GREM2: variants seen among roughly 807,000 people sequenced by gnomAD.
GREM2 encodes the protein gremlin-2.
GREM2 carries 11 observed loss-of-function variants against 14.2 expected under a neutral mutation model. That is an observed-to-expected ratio of 0.78 (90% CI 0.49 to 1.28). The LOEUF (loss-of-function observed/expected upper bound fraction) is 1.28, where lower values mean the gene tolerates loss of function less well. Ranked by LOEUF, GREM2 falls within the 50% of genes most tolerant of loss-of-function variation. The pLI, the probability that GREM2 is intolerant of heterozygous loss-of-function variation, is 0.00. For synonymous variants in GREM2, 98 were observed against 97.6 expected, an observed-to-expected ratio of 1.00 and a Z score of -0.02; for missense variants, 210 against 218.5, an observed-to-expected ratio of 0.96 and a Z score of 0.24.
chr1:240,516,769 G>T (rs1677965308), intron 1 of GREM2, among the ~76,000 whole-genome samples: 1 of 152,140 alleles, frequency 6.6e-6, no homozygotes, highest in Admixed American at 6.5e-5. Flanking sequence ...AATTGTAAGT[G>T]CCAGCAAGTG....
intron 1 of GREM2, among the ~76,000 whole-genome samples, chr1:240,608,677 A>G (rs1307030260): frequency 6.6e-6 from 1 of 152,222 alleles, no homozygotes. Context: ...ATTAAAAGAA[A>G]GGGAAATTGA....
chr1:240,584,582 T>C lies in GREM2; in HGVS notation c.-2+27302A>G, dbSNP rs368552553. Among the ~76,000 whole-genome samples, 696 of 151,534 alleles carry C rather than the reference T, an allele frequency of 4.6e-3. 6 individuals are homozygous for C. Among genetic ancestry groups the C allele is most frequent in the African/African-American group, 0.016 (667 of 41,316 alleles). On this transcript the variant is annotated intron_variant, in intron 1 of 1. Transcript: ENST00000318160. ...AGCTGGGCATAGTGGCGTGCACCTG[T>C]GGTCCTAGCCCTAGCTACTTGGGAG...
At chr1:240,599,224 T>C (rs1021630454) in intron 1 of GREM2, among the ~76,000 whole-genome samples, 8 of 149,054 alleles carry the variant, frequency 5.4e-5, no homozygotes, top group African/African-American at 1.0e-4. Context: ...GCCAAGATCA[T>C]GCCACTCCAC....
rs563366065 is a variant in GREM2, at chr1:240,537,052, T to C, written c.-1-43576A>G. On this transcript the variant is annotated intron_variant, in intron 1 of 1. Coordinates refer to ENST00000318160, the MANE Select transcript of GREM2 (RefSeq NM_022469.4). ...GATACATTAGTGAAAGCACTTTTAG[T>C]TGTGCTGTAGTAAGATAAATTAAAT... 7.9e-5 allele frequency among the ~76,000 whole-genome samples: 12 copies of C among 152,340 alleles called. No homozygotes were observed. The South Asian group carries it at 2.3e-3, about 29-fold the overall frequency.
chr1:240,493,696 C>A (rs1159014649), intron 1 of GREM2, among the ~76,000 whole-genome samples: 6 of 134,082 alleles, frequency 4.5e-5, no homozygotes, highest in East Asian at 2.4e-4. Flanking sequence ...CATCTACTTT[C>A]TTTTTATTTT....
chr1:240,586,908 G>A (rs974115169), intron 1 of GREM2, among the ~76,000 whole-genome samples: 2 of 152,166 alleles, frequency 1.3e-5, no homozygotes, highest in Non-Finnish European at 1.5e-5. Flanking sequence ...CTGGAAAAAC[G>A]AGAGACTGCA....
At chr1:240,593,191 T>G (rs1036885593) in intron 1 of GREM2, among the ~76,000 whole-genome samples, 7 of 152,028 alleles carry the variant, frequency 4.6e-5, no homozygotes, top group East Asian at 3.9e-4. Context: ...CTAGGTAGTC[T>G]TTAAGGCCCA....
chr1:240,604,758 G>A (rs762140282), intron 1 of GREM2, among the ~76,000 whole-genome samples: 82 of 152,188 alleles, frequency 5.4e-4, no homozygotes, highest in Non-Finnish European at 6.3e-4. Context: ...CCGAGTTCGG[G>A]ACCAGCTTGG....
intron 1 of GREM2, among the ~76,000 whole-genome samples, chr1:240,508,857 G>A (rs536963967): frequency 1.3e-5 from 2 of 152,110 alleles, no homozygotes; most frequent in South Asian, 4.1e-4. Context: ...TGGAACCTGA[G>A]AATTGATATT....
chr1:240,563,033 A>AGTGTAT, intron 1 of GREM2, among the ~76,000 whole-genome samples: 1 of 138,418 alleles, frequency 7.2e-6, no homozygotes, highest in East Asian at 2.2e-4. Flanking sequence ...TGTGTATATG[A>AGTGTAT]GTGTGTATGT....
intron 1 of GREM2, among the ~76,000 whole-genome samples, chr1:240,539,906 G>A (rs200552054): frequency 6.6e-6 from 1 of 152,080 alleles, no homozygotes; most frequent in East Asian, 1.9e-4. Flanking sequence ...TGTTGTTGAT[G>A]CCTCCTCTTT....
In GREM2 at chr1:240,521,545, T is replaced by G. The variant is rs537677462; in HGVS notation, c.-1-28069A>C. ...GAGATGGCACCACTGCACTCCAGCC[T>G]GGGCGACAGTGTGAGACTCCGTCTC... On this transcript the variant is annotated intron_variant, in intron 1 of 1. Transcript: ENST00000318160. Among the ~76,000 whole-genome samples the G allele has an allele frequency of 6.6e-5, 10 of 151,978 alleles. No individual in the cohort carries two copies. The East Asian group carries it at 1.9e-3, about 30-fold the overall frequency.
chr1:240,604,038 G>T (rs1239335697), intron 1 of GREM2, among the ~76,000 whole-genome samples: 1 of 151,598 alleles, frequency 6.6e-6, no homozygotes, highest in African/African-American at 2.4e-5. Context: ...TTAAGGGGAG[G>T]CAGGGGTGTC....
chr1:240,569,920 A>AT (rs555693041), intron 1 of GREM2, among the ~76,000 whole-genome samples: 1,088 of 102,800 alleles, frequency 0.011, 9 homozygotes, highest in African/African-American at 0.064. Flanking sequence ...ACTTCACTAA[A>AT]ATTTTTTTAA....
At chr1:240,548,234 C>G (rs565641168) in intron 1 of GREM2, among the ~76,000 whole-genome samples, 1 of 152,182 alleles carries the variant, frequency 6.6e-6, no homozygotes, top group Non-Finnish European at 1.5e-5. Context: ...AAGATTGTGC[C>G]ACTGCACTCC....
Position 240,547,532 on chromosome 1 carries a change from T to TATATAGACAGATAGATAG in GREM2, c.-1-54057_-1-54056insCTATCTATCTGTCTATAT, listed in dbSNP as rs1187770486. Among the ~76,000 whole-genome samples the TATATAGACAGATAGATAG allele has an allele frequency of 3.1e-3, 375 of 121,836 alleles. 5 individuals carry two copies. Among genetic ancestry groups the TATATAGACAGATAGATAG allele is most frequent in the African/African-American group, 0.013 (357 of 27,050 alleles). 79.9% of individuals were successfully genotyped at this position (121,836 alleles called of 152,430 possible). A position where few individuals can be genotyped will look rare whatever the true frequency, so the allele number is the denominator to read the frequency against. ...AAAAAAAAATATATATATATATATATATAGATAGATAGATAGATAGATAGA... is the reference window on the plus strand; with the variant it reads ...AAAAAAAAATATATATATATATATATATATAGACAGATAGATAGATAGATAGATAGATAGATAGATAGA... On this transcript the variant is annotated intron_variant, in intron 1 of 1. Transcript: ENST00000318160.
chr1:240,602,514 C>G lies in GREM2; in HGVS notation c.-2+9370G>C, dbSNP rs116021623. Among the ~76,000 whole-genome samples, 657 of 152,202 alleles carry G rather than the reference C, an allele frequency of 4.3e-3. 9 individuals carry two copies. The highest frequency in any genetic ancestry group is 0.015 in the African/African-American group (634 of 41,518). ...AATAGTTATAATTCCTTAAAGAGCT[C>G]ACATCGTAGCAGAAGAGAAAAGAGC... On this transcript the variant is annotated intron_variant, in intron 1 of 1. Coordinates refer to ENST00000318160, the MANE Select transcript of GREM2 (RefSeq NM_022469.4).
At chr1:240,567,761 A>C (rs148147664) in intron 1 of GREM2, among the ~76,000 whole-genome samples, 1 of 152,340 alleles carries the variant, frequency 6.6e-6, no homozygotes, top group African/African-American at 2.4e-5. Flanking sequence ...TAAATATAGA[A>C]GACTTTTTTC....
intron 1 of GREM2, among the ~76,000 whole-genome samples, chr1:240,563,608 G>A (rs1679116925): frequency 1.3e-5 from 2 of 152,154 alleles, no homozygotes. Flanking sequence ...GGGAACCTTA[G>A]GCGGTCTCTA....
Sources: gnomAD v4.1 joint callset for allele counts (sites outside exome capture counted in the v4.1 genomes callset) on GRCh38, gnomAD v4.1.1 for gene constraint, MANE v1.5 for transcripts, NCBI Gene and HGNC (gene_info 2026-07-23, HGNC 2026-07-21) for gene names.